MRPL1: variants seen among roughly 807,000 people sequenced by gnomAD.
The protein encoded by MRPL1 is mitochondrial ribosomal protein L1, also known as large ribosomal subunit protein uL1m.
In MRPL1, 28 loss-of-function variants were observed where a neutral mutation model predicts 38.0. That is an observed-to-expected ratio of 0.74 (90% CI 0.55 to 1.01). The LOEUF (loss-of-function observed/expected upper bound fraction) is 1.01, where lower values mean the gene tolerates loss of function less well. Among genes scored for constraint, MRPL1 ranks in the 50% least tolerant of loss-of-function variants. MRPL1 has a pLI of 0.00. For synonymous variants in MRPL1, 123 were observed against 126.7 expected, an observed-to-expected ratio of 0.97 and a Z score of 0.20; for missense variants, 358 against 389.8, an observed-to-expected ratio of 0.92 and a Z score of 0.69.
chr4:77,868,401 G>A (rs532219222), intron 1 of MRPL1, among the ~76,000 whole-genome samples: 6 of 151,954 alleles, frequency 3.9e-5, no homozygotes, highest in East Asian at 1.9e-4. Flanking sequence ...CACCACACCC[G>A]GCTAATTTTT....
intron 7 of MRPL1, among the ~76,000 whole-genome samples, chr4:77,925,723 G>A (rs1736700164): frequency 6.6e-6 from 1 of 151,522 alleles, no homozygotes; most frequent in Non-Finnish European, 1.5e-5. Context: ...AATTTTGGCT[G>A]CATCACCATG....
chr4:77,906,901 T>A (rs1179117146), intron 6 of MRPL1: 9 of 929,048 alleles, frequency 9.7e-6, no homozygotes, highest in Non-Finnish European at 1.2e-5. Flanking sequence ...AAACTTAGTA[T>A]TTTTTAGTAA....
chr4:77,920,348 A>G (rs942591443), intron 7 of MRPL1, among the ~76,000 whole-genome samples: 1 of 152,234 alleles, frequency 6.6e-6, no homozygotes, highest in Admixed American at 6.5e-5. Flanking sequence ...ACAAATCATA[A>G]AATAAGGAAT....
chr4:77,891,349 G>T (rs116252078), intron 5 of MRPL1, among the ~76,000 whole-genome samples: 3,203 of 124,900 alleles, frequency 0.026, 104 homozygotes, highest in African/African-American at 0.086. Context: ...AGTTTTTTTT[G>T]TTTTTTTTTT....
chr4:77,885,108 TAATC>T (rs1216343688), intron 3 of MRPL1, 144 bp from the exon 4 acceptor site: 8 of 521,986 alleles, frequency 1.5e-5, no homozygotes, highest in East Asian at 3.1e-5. Flanking sequence ...TCATGAATAG[TAATC>T]AATGAATAGT....
chr4:77,867,838 G>A (rs1283209835), intron 1 of MRPL1, among the ~76,000 whole-genome samples: 1 of 136,752 alleles, frequency 7.3e-6, no homozygotes, highest in Non-Finnish European at 1.5e-5. Context: ...CTCACTGCCA[G>A]CTCTGCCTTC....
chr4:77,889,639 A>T (rs1560463304), intron 5 of MRPL1, among the ~76,000 whole-genome samples: 1 of 152,204 alleles, frequency 6.6e-6, no homozygotes, highest in Non-Finnish European at 1.5e-5. Context: ...ATCAGAACAG[A>T]ACTGAAGGAG....
chr4:77,895,155 G>A (rs1019879683), intron 6 of MRPL1, among the ~76,000 whole-genome samples: 1 of 152,094 alleles, frequency 6.6e-6, no homozygotes, highest in African/African-American at 2.4e-5. Context: ...TTTTGAGATG[G>A]GAGTGACATA....
intron 6 of MRPL1, among the ~76,000 whole-genome samples, chr4:77,908,007 C>T (rs1371988909): frequency 6.6e-6 from 1 of 151,074 alleles, no homozygotes; most frequent in East Asian, 1.9e-4. Flanking sequence ...AAGTGATTCT[C>T]CTGTCTCAGC....
intron 1 of MRPL1, among the ~76,000 whole-genome samples, chr4:77,864,322 G>T (rs1735078291): frequency 6.6e-6 from 1 of 151,924 alleles, no homozygotes; most frequent in Non-Finnish European, 1.5e-5. Flanking sequence ...TACTTGGCTG[G>T]TTCCTCTTCC....
chr4:77,913,113 G>A (rs1050870262), intron 7 of MRPL1, among the ~76,000 whole-genome samples: 8 of 151,986 alleles, frequency 5.3e-5, no homozygotes, highest in Non-Finnish European at 1.0e-4. Flanking sequence ...AGTTGGGTTA[G>A]GGGATGTTTC....
intron 5 of MRPL1, among the ~76,000 whole-genome samples, chr4:77,889,278 T>C (rs1735751906): frequency 6.6e-6 from 1 of 152,208 alleles, no homozygotes; most frequent in South Asian, 2.1e-4. Context: ...TATAACAAAC[T>C]GTCTCTCAGA....
rs770411011 is a variant in MRPL1 at position 77,871,847 on chromosome 4, T to C, written c.135T>C (p.Ala45=). The change falls in exon 2 of 9, where the codon GCT becomes GCC. Residue 45 remains alanine, a synonymous_variant. Coordinates refer to ENST00000315567, the MANE Select transcript of MRPL1 (RefSeq NM_020236.4). ...NIRVPNRHFA[A]ATKSAKKTKK... Reference sequence around the variant, plus strand: ...GAGTGCCCAACAGACATTTTGCTGCTGCTACAAAGTAAGTATTTTTTTTTA... The same window carrying C: ...GAGTGCCCAACAGACATTTTGCTGCCGCTACAAAGTAAGTATTTTTTTTTA... 6.3e-7 allele frequency: 1 copy of C among 1,580,540 alleles called. No homozygotes were observed. Among genetic ancestry groups the C allele is most frequent in the South Asian group, 1.2e-5 (1 of 84,720 alleles).
intron 7 of MRPL1, among the ~76,000 whole-genome samples, chr4:77,926,626 T>TTC (rs146608405): frequency 1.2e-4 from 18 of 148,948 alleles, no homozygotes; most frequent in South Asian, 2.1e-4. Flanking sequence ...TTTTTTTTTT[T>TTC]GAGACAGAGT....
intron 1 of MRPL1, among the ~76,000 whole-genome samples, chr4:77,868,697 T>C (rs907633839): frequency 3.9e-5 from 6 of 152,196 alleles, no homozygotes; most frequent in African/African-American, 1.4e-4. Context: ...TGTATTACTA[T>C]GAACTAGTGG....
At chr4:77,907,871 C>G (rs1736194868) in intron 6 of MRPL1, among the ~76,000 whole-genome samples, 1 of 151,020 alleles carries the variant, frequency 6.6e-6, no homozygotes, top group African/African-American at 2.4e-5. Flanking sequence ...GCCTCTCATG[C>G]CAGTTTCTTT....
chr4:77,871,888 G>T, intron 2 of MRPL1, 33 bp downstream of exon 2: 2 of 1,378,758 alleles, frequency 1.5e-6, no homozygotes, highest in Non-Finnish European at 2.0e-6. Context: ...TATTTCATTT[G>T]TTGTCATTTT....
chr4:77,944,781 G>C (rs994355140), intron 7 of MRPL1, among the ~76,000 whole-genome samples: 4 of 151,970 alleles, frequency 2.6e-5, no homozygotes, highest in Admixed American at 6.6e-5. Context: ...TCTCCCCTTA[G>C]TATACAACAC....
At chr4:77,919,845 A>G (rs1055895639) in intron 7 of MRPL1, among the ~76,000 whole-genome samples, 10 of 144,666 alleles carry the variant, frequency 6.9e-5, no homozygotes, top group African/African-American at 2.7e-4. Context: ...TTATATATAT[A>G]TATATGTGTG....
Sources: allele counts gnomAD v4.1 joint callset (sites outside exome capture counted in the v4.1 genomes callset), GRCh38; gene constraint gnomAD v4.1.1; transcripts MANE v1.5; gene names NCBI Gene and HGNC (gene_info 2026-07-23, HGNC 2026-07-21).